The following FRYL variants were observed in gnomAD, a reference collection of about 807,000 sequenced individuals.
FRYL encodes the protein FRY like transcription coactivator, also known as protein furry homolog-like.
In FRYL, 150 loss-of-function variants were observed where a neutral mutation model predicts 351.2. The observed-to-expected ratio is 0.43, with a 90% CI of 0.37 to 0.49. FRYL has a LOEUF of 0.49. Ranked by LOEUF, FRYL falls within the 20% of genes least tolerant of loss-of-function variation. The pLI is 0.00. For missense variants in FRYL, 3,036 were observed against 3,619.3 expected (o/e 0.84, Z 4.13); for synonymous variants, 1,153 against 1,257.1 (o/e 0.92, Z 1.75).
intron 36 of FRYL, among the ~76,000 whole-genome samples, chr4:48,552,266 T>TGTGC: frequency 6.6e-6 from 1 of 151,774 alleles, no homozygotes; most frequent in African/African-American, 2.4e-5. Flanking sequence ...TGTGTGTGTG[T>TGTGC]GTGTGTGTGT....
intron 59 of FRYL, among the ~76,000 whole-genome samples, chr4:48,508,105 G>A (rs1001761213): frequency 2.6e-5 from 4 of 152,148 alleles, no homozygotes; most frequent in Non-Finnish European, 5.9e-5. Flanking sequence ...TGCAAACATA[G>A]CCATGGACAA....
intron 53 of FRYL, among the ~76,000 whole-genome samples, chr4:48,527,044 G>GT (rs1328668291): frequency 1.3e-5 from 2 of 152,116 alleles, no homozygotes; most frequent in African/African-American, 4.8e-5. Flanking sequence ...ATTGATGAAT[G>GT]TGTATGAGCT....
intron 13 of FRYL, among the ~76,000 whole-genome samples, chr4:48,597,689 GAT>G (rs1206810444): frequency 1.3e-5 from 2 of 152,074 alleles, no homozygotes; most frequent in Non-Finnish European, 2.9e-5. Flanking sequence ...ATACATTAAA[GAT>G]ATTTAAGTCC....
chr4:48,780,230 A>G lies in FRYL; in HGVS notation c.-536T>C, dbSNP rs1380278112. On this transcript the variant is annotated 5_prime_UTR_variant, in exon 1 of 64. Transcript: ENST00000358350. Reference sequence around the variant, plus strand: ...GTGGTTAAACCTCCCTCCGACTCTGATTTTAACCGGATTTCTCTCTCGCTC... The same window carrying G: ...GTGGTTAAACCTCCCTCCGACTCTGGTTTTAACCGGATTTCTCTCTCGCTC... The G allele has an allele frequency of 6.6e-6, 1 of 152,552 alleles. No homozygotes were observed. The highest frequency in any genetic ancestry group is 1.5e-5 in the Non-Finnish European group (1 of 68,154). 9.4% of individuals were successfully genotyped at this position (152,552 alleles called of 1,614,324 possible). A position where few individuals can be genotyped will look rare whatever the true frequency, so the allele number is the denominator to read the frequency against.
At chr4:48,754,671 T>TG (rs1773593575) in intron 1 of FRYL, among the ~76,000 whole-genome samples, 1 of 149,130 alleles carries the variant, frequency 6.7e-6, no homozygotes, top group African/African-American at 2.5e-5. Flanking sequence ...TTTTGGGGTT[T>TG]TTTTTTTTTT....
At chr4:48,750,116 AG>A (rs1203328586) in intron 1 of FRYL, among the ~76,000 whole-genome samples, 8 of 150,336 alleles carry the variant, frequency 5.3e-5, no homozygotes, top group Middle Eastern at 7.0e-3. Context: ...CCTGGTTGAT[AG>A]AACAAGACTC....
intron 4 of FRYL, among the ~76,000 whole-genome samples, chr4:48,632,091 AATATATATATATAT>A (rs1560753223): frequency 0.012 from 286 of 23,350 alleles, 2 homozygotes; most frequent in Middle Eastern, 0.038. Flanking sequence ...AAAAAAAAAA[AATATATATATATAT>A]ATATATATAT....
At chr4:48,739,848 T>C (rs1045885409) in intron 1 of FRYL, among the ~76,000 whole-genome samples, 4 of 152,112 alleles carry the variant, frequency 2.6e-5, no homozygotes, top group Non-Finnish European at 5.9e-5. Flanking sequence ...TAATAGATAA[T>C]GTATTCATGA....
In FRYL at chr4:48,548,798, G is replaced by A; in HGVS notation, c.4785-5C>T. The A allele has an allele frequency of 6.5e-7, 1 of 1,528,038 alleles. No individual in the cohort carries two copies. Among genetic ancestry groups the A allele is most frequent in the Non-Finnish European group, 9.0e-7 (1 of 1,114,184 alleles). 94.7% of individuals were successfully genotyped at this position (1,528,038 alleles called of 1,614,324 possible). ...AGGATCACTGCTATGTTACACCTAT[G>A]ACAAATAAGAGTTTCATTAACGTTT... is the stretch of plus-strand genomic sequence containing the variant. On this transcript the variant is annotated splice_region_variant and splice_polypyrimidine_tract_variant and intron_variant, in intron 39 of 63. Coordinates refer to ENST00000358350, the MANE Select transcript of FRYL (RefSeq NM_015030.2).
chr4:48,558,006 T>G (rs1263469493), intron 33 of FRYL, among the ~76,000 whole-genome samples: 1 of 152,082 alleles, frequency 6.6e-6, no homozygotes, highest in African/African-American at 2.4e-5. Flanking sequence ...AGTATGATGG[T>G]TCCTCAAAAA....
intron 56 of FRYL, among the ~76,000 whole-genome samples, chr4:48,513,084 C>A (rs1722821526): frequency 6.6e-6 from 1 of 152,074 alleles, no homozygotes; most frequent in South Asian, 2.1e-4. Flanking sequence ...TGATCATGGT[C>A]ATTTGTGTTA....
chr4:48,718,080 T>C (rs1769065215), intron 1 of FRYL, among the ~76,000 whole-genome samples: 1 of 151,624 alleles, frequency 6.6e-6, no homozygotes, highest in African/African-American at 2.4e-5. Flanking sequence ...TCAATTTCCT[T>C]GTAGGGGAAA....
rs74794859 is a variant in FRYL at position 48,515,364 on chromosome 4, T to C, written c.7690-89A>G. ...AAATAAGTATTGCCATCCATCTAAGTCTGTTTTATTAAGTGGTGTTCATTT... is the reference window on the plus strand; with the variant it reads ...AAATAAGTATTGCCATCCATCTAAGCCTGTTTTATTAAGTGGTGTTCATTT... On this transcript the variant is annotated intron_variant, in intron 55 of 63. Coordinates refer to ENST00000358350, the MANE Select transcript of FRYL (RefSeq NM_015030.2). The C allele has an allele frequency of 6.7e-4, 649 of 974,428 alleles. 2 individuals are homozygous for C. In the African/African-American group the frequency reaches 9.9e-3, roughly 15 times the overall value. 60.4% of individuals were successfully genotyped at this position (974,428 alleles called of 1,614,324 possible).
At chr4:48,621,372 T>A (rs1750615012) in intron 5 of FRYL, among the ~76,000 whole-genome samples, 1 of 152,198 alleles carries the variant, frequency 6.6e-6, no homozygotes. Flanking sequence ...TGTACTGTGA[T>A]GAACAAATGT....
chr4:48,590,079 G>A (rs1410191627), intron 17 of FRYL, among the ~76,000 whole-genome samples: 1 of 152,136 alleles, frequency 6.6e-6, no homozygotes, highest in Non-Finnish European at 1.5e-5. Context: ...ATTATGCAGA[G>A]GACTAAAACT....
At chr4:48,640,101 AT>A (rs952570505) in intron 3 of FRYL, among the ~76,000 whole-genome samples, 1 of 152,064 alleles carries the variant, frequency 6.6e-6, no homozygotes, top group Non-Finnish European at 1.5e-5. Flanking sequence ...TATTTTGGTT[AT>A]TTTTTTCAAA....
intron 2 of FRYL, among the ~76,000 whole-genome samples, chr4:48,702,907 A>T (rs1255183460): frequency 7.5e-3 from 3 of 402 alleles, no homozygotes; most frequent in African/African-American, 8.8e-3. Flanking sequence ...TGTTGAGTTA[A>T]AAAAAATTAA....
intron 13 of FRYL, among the ~76,000 whole-genome samples, chr4:48,597,836 C>G (rs953523175): frequency 1.3e-5 from 2 of 152,038 alleles, no homozygotes; most frequent in African/African-American, 4.8e-5. Context: ...ACCAAAAAGG[C>G]AAGGTGAGAA....
chr4:48,656,533 T>C (rs1241324695), intron 3 of FRYL, among the ~76,000 whole-genome samples: 1 of 123,386 alleles, frequency 8.1e-6, no homozygotes, highest in Non-Finnish European at 1.6e-5. Context: ...TATACATATA[T>C]GCATTATATA....
Sources: gnomAD v4.1 joint callset for allele counts (sites outside exome capture counted in the v4.1 genomes callset) on GRCh38, gnomAD v4.1.1 for gene constraint, MANE v1.5 for transcripts, NCBI Gene and HGNC (gene_info 2026-07-23, HGNC 2026-07-21) for gene names.